The following MGAT4C variants were observed in gnomAD, a reference collection of about 807,000 sequenced individuals.
MGAT4C encodes alpha-1,3-mannosyl-glycoprotein 4-beta-N-acetylglucosaminyltransferase C.
A neutral mutation model predicts 40.1 loss-of-function variants in MGAT4C; 19 were observed. That is an observed-to-expected ratio of 0.47 (90% CI 0.33 to 0.70). MGAT4C has a LOEUF of 0.70. Among genes scored for constraint, MGAT4C ranks in the 30% least tolerant of loss-of-function variants. The pLI is 0.02. For missense variants in MGAT4C, 491 were observed against 563.2 expected, an observed-to-expected ratio of 0.87 and a Z score of 1.30; for synonymous variants, 181 against 187.1, an observed-to-expected ratio of 0.97 and a Z score of 0.27.
chr12:86,258,598 C>T (rs1952591044), upstream of MGAT4C, among the ~76,000 whole-genome samples: 2 of 151,936 alleles, frequency 1.3e-5, no homozygotes, highest in South Asian at 4.1e-4. Flanking sequence ...AACCCACATC[C>T]TACACAAAAT....
intron 2 of MGAT4C, among the ~76,000 whole-genome samples, chr12:86,526,620 C>A (rs781379085): frequency 6.6e-6 from 1 of 152,050 alleles, no homozygotes; most frequent in Admixed American, 6.5e-5. Context: ...AGATCAAGGA[C>A]CACTCAGGCT....
intron 2 of MGAT4C, among the ~76,000 whole-genome samples, chr12:86,584,462 GCT>G (rs1347691405): frequency 6.6e-6 from 1 of 150,896 alleles, no homozygotes; most frequent in Non-Finnish European, 1.5e-5. Flanking sequence ...TCTGTAATTT[GCT>G]CTTTTAACTT....
chr12:86,204,186 T>C (rs138713154), intron 1 of MGAT4C, among the ~76,000 whole-genome samples: 3,081 of 151,884 alleles, frequency 0.02, 53 homozygotes, highest in South Asian at 0.057. Flanking sequence ...CCTCTCATTC[T>C]AAAAAACTTT....
chr12:85,964,905 G>A lies in MGAT4C; in HGVS notation c.*14384C>T, dbSNP rs1362495720. 2.6e-5 allele frequency: 4 copies of A among 152,132 alleles called. No homozygotes were observed. The highest frequency in any genetic ancestry group is 9.7e-5 in the African/African-American group (4 of 41,422). 9.4% of individuals were successfully genotyped at this position (152,132 alleles called of 1,614,324 possible). A position where few individuals can be genotyped will look rare whatever the true frequency, so the allele number is the denominator to read the frequency against. On this transcript the variant is annotated 3_prime_UTR_variant, in exon 5 of 5. Coordinates refer to ENST00000611864, the MANE Select transcript of MGAT4C (RefSeq NM_001351288.2). ...TATGATTAAACTCACTTTTATGTAAGATAGTGAGGCCCCAGAGAGCCCTCG... is the reference window on the plus strand; with the variant it reads ...TATGATTAAACTCACTTTTATGTAAAATAGTGAGGCCCCAGAGAGCCCTCG...
chr12:85,979,498 C>T lies in MGAT4C; in HGVS notation c.1228G>A (p.Ala410Thr), dbSNP rs1271898429. The change falls in exon 5 of 5, where the codon GCC becomes ACC. Residue 410 changes from alanine (A) to threonine (T), a missense_variant. Transcript: ENST00000611864. Reference protein sequence around the residue: ...DRQNDILHHGALDVGENVMPS... With the variant: ...DRQNDILHHGTLDVGENVMPS... ...ATAACGTTTTCCCCAACATCTAGGG[C>T]TCCATGATGCAAAATATCATTTTGC... The T allele has an allele frequency of 6.8e-6, 11 of 1,612,750 alleles. No individual in the cohort carries two copies. The highest frequency in any genetic ancestry group is 9.3e-6 in the Non-Finnish European group (11 of 1,179,164).
chr12:86,065,181 T>C (rs1228435057), intron 1 of MGAT4C, among the ~76,000 whole-genome samples: 1 of 151,942 alleles, frequency 6.6e-6, no homozygotes, highest in Admixed American at 6.6e-5. Context: ...AAACAATACA[T>C]AAAGAGGGAC....
intron 3 of MGAT4C, among the ~76,000 whole-genome samples, chr12:86,388,865 G>T (rs1456220189): frequency 6.6e-6 from 1 of 151,492 alleles, no homozygotes; most frequent in African/African-American, 2.4e-5. Context: ...TGTATTTTTA[G>T]TAAAGACATG....
intron 2 of MGAT4C, among the ~76,000 whole-genome samples, chr12:86,550,104 C>T (rs1959273398): frequency 6.6e-6 from 1 of 152,130 alleles, no homozygotes; most frequent in Admixed American, 6.6e-5. Flanking sequence ...TGGGGCTTTT[C>T]CCCCTTCACT....
chr12:86,834,922 CTAGA>C (rs1953005544), intron 1 of MGAT4C, among the ~76,000 whole-genome samples: 1 of 151,848 alleles, frequency 6.6e-6, no homozygotes, highest in Non-Finnish European at 1.5e-5. Flanking sequence ...CTAGAATATG[CTAGA>C]TACTTTCCTG....
chr12:86,314,320 G>C (rs1954148538), intron 4 of MGAT4C, among the ~76,000 whole-genome samples: 2 of 152,134 alleles, frequency 1.3e-5, no homozygotes, highest in South Asian at 4.1e-4. Context: ...ATTTTGGGAG[G>C]CCCAGGTGGG....
At chr12:86,207,519 G>A (rs929992330) in intron 1 of MGAT4C, among the ~76,000 whole-genome samples, 1 of 151,664 alleles carries the variant, frequency 6.6e-6, no homozygotes, top group Non-Finnish European at 1.5e-5. Context: ...GCATTTTGAA[G>A]AATGAATACA....
chr12:86,560,422 C>CA (rs200556335), intron 2 of MGAT4C, among the ~76,000 whole-genome samples: 94 of 149,910 alleles, frequency 6.3e-4, no homozygotes, highest in South Asian at 1.5e-3. Flanking sequence ...AATAACACAT[C>CA]AAAAAAAAAT....
At chr12:86,185,022 GC>G (rs1174541261) in intron 1 of MGAT4C, among the ~76,000 whole-genome samples, 2 of 152,076 alleles carry the variant, frequency 1.3e-5, no homozygotes, top group African/African-American at 4.8e-5. Context: ...TGTCTCTTCA[GC>G]CCTTTTCTGC....
At chr12:86,291,879 G>T (rs533791978) in intron 4 of MGAT4C, among the ~76,000 whole-genome samples, 2 of 152,250 alleles carry the variant, frequency 1.3e-5, no homozygotes, top group Non-Finnish European at 2.9e-5. Context: ...ATGAAATACT[G>T]GGTGGCCAAA....
Position 85,983,549 on chromosome 12 carries a change from A to C in MGAT4C, c.269T>G (p.Leu90Arg). 2.5e-6 allele frequency: 4 copies of C among 1,586,268 alleles called. No individual in the cohort carries two copies. Among genetic ancestry groups the C allele is most frequent in the Non-Finnish European group, 3.4e-6 (4 of 1,169,054 alleles). ...CTTTCTTTGTAAAGGTGTGGCAGCT[A>C]GGTAGCGATAGGTGACATTTATGGC... ...SGAINVTYRY[L>R]AATPLQRKRY... Residue 90 changes from leucine to arginine, a missense_variant, in exon 4 of 5, where the codon CTA (leucine) becomes CGA (arginine). Physicochemically the swap from Leu to Arg is moderately radical, Grantham distance 102. Transcript: ENST00000611864.
intron 2 of MGAT4C, among the ~76,000 whole-genome samples, chr12:86,545,958 A>AT (rs979566614): frequency 6.6e-6 from 1 of 151,940 alleles, no homozygotes; most frequent in African/African-American, 2.4e-5. Context: ...AAAAGATTAT[A>AT]TTTTTTCTTA....
intron 1 of MGAT4C, among the ~76,000 whole-genome samples, chr12:86,151,334 C>T (rs534657086): frequency 8.5e-5 from 13 of 152,222 alleles, no homozygotes; most frequent in African/African-American, 3.1e-4. Flanking sequence ...TGACACTGGC[C>T]GGGCGCGGTG....
intron 4 of MGAT4C, among the ~76,000 whole-genome samples, chr12:86,323,973 T>C (rs1954461665): frequency 1.3e-5 from 2 of 152,010 alleles, no homozygotes; most frequent in Admixed American, 6.6e-5. Flanking sequence ...TGTATTCTTA[T>C]ATAAGCTATT....
chr12:86,613,755 A>T (rs1353928935), intron 2 of MGAT4C, among the ~76,000 whole-genome samples: 1 of 152,176 alleles, frequency 6.6e-6, no homozygotes, highest in Non-Finnish European at 1.5e-5. Flanking sequence ...TTTAGGTTCA[A>T]TATATACCAT....
Sources: allele counts gnomAD v4.1 joint callset (sites outside exome capture counted in the v4.1 genomes callset), GRCh38; gene constraint gnomAD v4.1.1; transcripts MANE v1.5; gene names NCBI Gene and HGNC (gene_info 2026-07-23, HGNC 2026-07-21).